PREP: variants seen among roughly 807,000 people sequenced by gnomAD.
PREP encodes the protein dJ355L5.1 (prolyl endopeptidase).
A neutral mutation model predicts 87.6 loss-of-function variants in PREP; 29 were observed. That is an observed-to-expected ratio of 0.33 (90% CI 0.25 to 0.45). The LOEUF is 0.45. PREP is among the 20% of genes least tolerant of loss of function. The pLI is 1.00. For synonymous variants in PREP, 337 were observed against 328.6 expected, an observed-to-expected ratio of 1.03 and a Z score of -0.28; for missense variants, 695 against 886.5, an observed-to-expected ratio of 0.78 and a Z score of 2.74.
intron 1 of PREP, among the ~76,000 whole-genome samples, chr6:105,398,909 A>T (rs1387538118): frequency 6.6e-6 from 1 of 152,064 alleles, no homozygotes; most frequent in Admixed American, 6.5e-5. Flanking sequence ...GGAGTTCAAG[A>T]CCAGCCTGGC....
chr6:105,333,589 T>C, intron 7 of PREP, 84 bp from the exon 8 acceptor site: 2 of 1,315,754 alleles, frequency 1.5e-6, no homozygotes, highest in Non-Finnish European at 2.2e-6. Context: ...AGGGTGGATC[T>C]TTCTTATCCT....
At chr6:105,395,077 T>A (rs1053429796) in intron 2 of PREP, among the ~76,000 whole-genome samples, 25 of 152,220 alleles carry the variant, frequency 1.6e-4, no homozygotes, top group African/African-American at 6.0e-4. Context: ...CTGCAAAGAT[T>A]GCTTTCTAAC....
At chr6:105,308,598 C>T (rs1449239916) in intron 10 of PREP, among the ~76,000 whole-genome samples, 1 of 152,024 alleles carries the variant, frequency 6.6e-6, no homozygotes. Context: ...CAACATTTGT[C>T]CATTTCTAGT....
intron 1 of PREP, among the ~76,000 whole-genome samples, chr6:105,399,980 C>T (rs1036808829): frequency 4.6e-5 from 7 of 152,234 alleles, no homozygotes; most frequent in Admixed American, 2.6e-4. Flanking sequence ...ACCAAGCAGC[C>T]CTATCTGCCC....
intron 10 of PREP, among the ~76,000 whole-genome samples, chr6:105,306,473 C>CA (rs1770661049): frequency 6.6e-6 from 1 of 152,154 alleles, no homozygotes; most frequent in African/African-American, 2.4e-5. Context: ...CCTGACCCCT[C>CA]ACATGGTCAA....
intron 12 of PREP, among the ~76,000 whole-genome samples, chr6:105,282,912 C>CTGT (rs1014378832): frequency 2.0e-5 from 3 of 152,200 alleles, no homozygotes; most frequent in Non-Finnish European, 4.4e-5. Flanking sequence ...CACAAGGAAC[C>CTGT]TGTATTTTGG....
At chr6:105,286,990 A>G (rs1300376217) in intron 11 of PREP, among the ~76,000 whole-genome samples, 1 of 92,274 alleles carries the variant, frequency 1.1e-5, no homozygotes, top group Non-Finnish European at 2.3e-5. Flanking sequence ...ACACGTGTTC[A>G]CTGCCCCACA....
chr6:105,352,322 GAAC>G (rs1771979551), intron 7 of PREP, among the ~76,000 whole-genome samples: 1 of 152,082 alleles, frequency 6.6e-6, no homozygotes, highest in Non-Finnish European at 1.5e-5. Flanking sequence ...TGGTGGAAGA[GAAC>G]AACATTTAAA....
intron 8 of PREP, among the ~76,000 whole-genome samples, chr6:105,330,260 C>G (rs1771290364): frequency 6.6e-6 from 1 of 152,130 alleles, no homozygotes; most frequent in Non-Finnish European, 1.5e-5. Context: ...GAATGCAGAA[C>G]AATGGAAGTC....
chr6:105,328,767 C>T (rs1241683734), intron 9 of PREP, 62 bp downstream of exon 9: 2 of 1,552,912 alleles, frequency 1.3e-6, no homozygotes, highest in Non-Finnish European at 1.8e-6. Context: ...TCCATTTCCC[C>T]AAAGAAACCC....
chr6:105,329,344 G>A (rs1771259121), intron 8 of PREP, among the ~76,000 whole-genome samples: 1 of 151,992 alleles, frequency 6.6e-6, no homozygotes, highest in Admixed American at 6.6e-5. Context: ...GTACAGACGG[G>A]GTTTCACTAT....
intron 6 of PREP, among the ~76,000 whole-genome samples, chr6:105,353,537 G>A (rs542648091): frequency 1.4e-4 from 21 of 152,188 alleles, no homozygotes; most frequent in African/African-American, 3.4e-4. Flanking sequence ...TTGGGAAGCC[G>A]AGTGGGGGTG....
At chr6:105,382,830 G>A (rs1772883904) in intron 2 of PREP, among the ~76,000 whole-genome samples, 1 of 152,176 alleles carries the variant, frequency 6.6e-6, no homozygotes, top group South Asian at 2.1e-4. Context: ...AAATACCAAT[G>A]AAAACTAAGA....
intron 7 of PREP, among the ~76,000 whole-genome samples, chr6:105,351,431 CT>C (rs141795816): frequency 0.056 from 8,467 of 152,154 alleles, 271 homozygotes; most frequent in Middle Eastern, 0.095. Flanking sequence ...ATCCCAATCT[CT>C]TGAGTACTCT....
intron 7 of PREP, among the ~76,000 whole-genome samples, chr6:105,341,959 A>G (rs146604868): frequency 0.094 from 14,354 of 152,236 alleles, 1,055 homozygotes; most frequent in African/African-American, 0.2. Flanking sequence ...AGAGGTACAA[A>G]GAGGAGCTGG....
intron 9 of PREP, among the ~76,000 whole-genome samples, chr6:105,325,644 T>C (rs998396861): frequency 6.6e-6 from 1 of 152,208 alleles, no homozygotes. Context: ...TTATCGATAC[T>C]TTCTGTTTAT....
In PREP at chr6:105,277,990, G is replaced by A; in HGVS notation, c.*154C>T. ...TGCTAAAAAGGAGAAGCCTAAAAAA[G>A]ATAAAATTCCCACGGCAGTTCTGTT... On this transcript the variant is annotated 3_prime_UTR_variant, in exon 15 of 15. Transcript: ENST00000652536. The A allele has an allele frequency of 9.2e-7, 1 of 1,082,030 alleles. No homozygotes were observed. Among genetic ancestry groups the A allele is most frequent in the Non-Finnish European group, 1.3e-6 (1 of 753,136 alleles). The allele number at this position is 1,082,030 out of a possible 1,614,324, so 67.0% of individuals were successfully genotyped here.
At chr6:105,384,533 C>T (rs997417336) in intron 2 of PREP, among the ~76,000 whole-genome samples, 1 of 152,200 alleles carries the variant, frequency 6.6e-6, no homozygotes, top group Admixed American at 6.5e-5. Flanking sequence ...TGACAGACAC[C>T]TCTGTCTGTA....
chr6:105,369,119 T>C, intron 5 of PREP, 95 bp from the exon 6 acceptor site: 1 of 1,306,416 alleles, frequency 7.7e-7, no homozygotes, highest in Non-Finnish European at 1.1e-6. Flanking sequence ...ATTTAACAAG[T>C]AGCTGGCTGC....
Sources: allele counts gnomAD v4.1 joint callset (sites outside exome capture counted in the v4.1 genomes callset), GRCh38; gene constraint gnomAD v4.1.1; transcripts MANE v1.5; gene names NCBI Gene and HGNC (gene_info 2026-07-23, HGNC 2026-07-21).